PAAF1: variants seen among roughly 807,000 people sequenced by gnomAD.
PAAF1 encodes the protein proteasomal ATPase-associated factor 1.
Under a neutral mutation model 52.8 loss-of-function variants are expected in PAAF1, and 46 were observed. The ratio of observed to expected loss-of-function variants is 0.87; its 90% confidence interval spans 0.69 to 1.11. PAAF1 has a LOEUF of 1.11. Ranked by LOEUF, PAAF1 falls within the 50% of genes most tolerant of loss-of-function variation. PAAF1 has a pLI of 0.00. For synonymous variants in PAAF1, 178 were observed against 172.8 expected, an observed-to-expected ratio of 1.03 and a Z score of -0.24; for missense variants, 424 against 477.4, an observed-to-expected ratio of 0.89 and a Z score of 1.04.
chr11:73,905,449 C>G (rs1263546597), intron 6 of PAAF1, among the ~76,000 whole-genome samples: 2 of 152,124 alleles, frequency 1.3e-5, no homozygotes, highest in Non-Finnish European at 2.9e-5. Context: ...GTCTCAAACT[C>G]CTGACCTTGT....
intron 5 of PAAF1, among the ~76,000 whole-genome samples, 178 bp from the exon 6 acceptor site, chr11:73,900,092 T>C (rs1949555373): frequency 6.6e-6 from 1 of 152,114 alleles, no homozygotes; most frequent in South Asian, 2.1e-4. Context: ...AAACACCTTT[T>C]AGAACACTGC....
At chr11:73,878,451 G>A (rs1948806684) in intron 1 of PAAF1, among the ~76,000 whole-genome samples, 1 of 152,186 alleles carries the variant, frequency 6.6e-6, no homozygotes, top group Non-Finnish European at 1.5e-5. Flanking sequence ...GATTGTGTAT[G>A]GAAAGTGCTT....
intron 4 of PAAF1, among the ~76,000 whole-genome samples, chr11:73,896,502 T>C (rs1481385099): frequency 1.3e-5 from 2 of 150,898 alleles, no homozygotes; most frequent in Non-Finnish European, 3.0e-5. Flanking sequence ...TGATGACTCT[T>C]AAGGAGCATG....
chr11:73,917,751 A>G (rs1950104703), intron 9 of PAAF1, among the ~76,000 whole-genome samples: 1 of 152,154 alleles, frequency 6.6e-6, no homozygotes, highest in Non-Finnish European at 1.5e-5. Context: ...ACGTACCTAT[A>G]ATCCCAGGTA....
chr11:73,920,267 C>CTATAA (rs1296472936), intron 10 of PAAF1, among the ~76,000 whole-genome samples: 2 of 152,112 alleles, frequency 1.3e-5, no homozygotes, highest in Non-Finnish European at 2.9e-5. Flanking sequence ...GGCACAGTGG[C>CTATAA]TCATGCCTAT....
chr11:73,896,581 T>C (rs11235946), intron 4 of PAAF1, among the ~76,000 whole-genome samples: 12,537 of 150,752 alleles, frequency 0.083, 637 homozygotes, highest in South Asian at 0.25. Flanking sequence ...CCTGAGTGGA[T>C]ACAGCACATG....
At chr11:73,880,687 G>GGAAAAAAA (rs1373166466) in intron 2 of PAAF1, 1 of 40,598 alleles carries the variant, frequency 2.5e-5, no homozygotes, top group Non-Finnish European at 5.4e-5. Flanking sequence ...ACTCTGTCTC[G>GGAAAAAAA]AAAAAAAAAA....
At chr11:73,920,735 C>A (rs1326841551) in intron 10 of PAAF1, among the ~76,000 whole-genome samples, 1 of 151,516 alleles carries the variant, frequency 6.6e-6, no homozygotes, top group Admixed American at 6.6e-5. Context: ...ATCTATAGTC[C>A]CAACTACTCA....
intron 2 of PAAF1, among the ~76,000 whole-genome samples, chr11:73,885,917 A>G (rs1591047392): frequency 6.6e-6 from 1 of 152,060 alleles, no homozygotes; most frequent in East Asian, 1.9e-4. Context: ...CTGTAACTTC[A>G]GTTTGGCTCA....
In PAAF1 at chr11:73,927,472, C is replaced by A; in HGVS notation, c.*110C>A. 1 of 917,772 alleles carries A rather than the reference C, an allele frequency of 1.1e-6. No homozygotes were observed. Among genetic ancestry groups the A allele is most frequent in the South Asian group, 1.5e-5 (1 of 67,968 alleles). 56.9% of individuals were successfully genotyped at this position (917,772 alleles called of 1,614,324 possible). Reference sequence around the variant, plus strand: ...ACCATGGCGTTTAATGTCTTGGGCACCCCTTGGAAATCACAGAAAGTCAGC... The same window carrying A: ...ACCATGGCGTTTAATGTCTTGGGCAACCCTTGGAAATCACAGAAAGTCAGC... On this transcript the variant is annotated 3_prime_UTR_variant, in exon 12 of 12. Coordinates refer to ENST00000310571, the MANE Select transcript of PAAF1 (RefSeq NM_025155.3).
chr11:73,881,673 A>G (rs1371543355), intron 2 of PAAF1, among the ~76,000 whole-genome samples: 1 of 152,132 alleles, frequency 6.6e-6, no homozygotes, highest in Non-Finnish European at 1.5e-5. Flanking sequence ...TAAATTACCA[A>G]GCTACCTTCA....
rs190645436 is a variant in PAAF1, at chr11:73,910,772, C to T, written c.727+1179C>T. 1.3e-3 allele frequency among the ~76,000 whole-genome samples: 197 copies of T among 152,124 alleles called. 1 individual carries two copies. Among genetic ancestry groups the T allele is most frequent in the African/African-American group, 4.5e-3 (188 of 41,500 alleles). ...TTGGGAGGCCGAGGCGGGCGATTCA[C>T]AAGGTCAGGAGCTCGAAACCAGTCT... On this transcript the variant is annotated intron_variant, in intron 7 of 11. Transcript: ENST00000310571.
intron 10 of PAAF1, among the ~76,000 whole-genome samples, chr11:73,923,384 C>G (rs573051194): frequency 2.4e-4 from 37 of 152,214 alleles, no homozygotes; most frequent in African/African-American, 8.4e-4. Context: ...TATGCACATG[C>G]TGTCAACCAT....
At chr11:73,889,532 T>C (rs1402876380) in intron 3 of PAAF1, among the ~76,000 whole-genome samples, 1 of 152,244 alleles carries the variant, frequency 6.6e-6, no homozygotes, top group Non-Finnish European at 1.5e-5. Context: ...TTTTAACATT[T>C]ATCTTCCTTT....
At chr11:73,912,456 C>T (rs1458635622) in intron 7 of PAAF1, among the ~76,000 whole-genome samples, 1 of 152,210 alleles carries the variant, frequency 6.6e-6, no homozygotes, top group Non-Finnish European at 1.5e-5. Context: ...TCATGTCCCA[C>T]ATCAGCAAAG....
At chr11:73,918,810 G>T in intron 9 of PAAF1, 140 bp from the exon 10 acceptor site, 1 of 675,624 alleles carries the variant, frequency 1.5e-6, no homozygotes. Context: ...GTTCTTGCCA[G>T]GAAAGAAACC....
intron 1 of PAAF1, 73 bp downstream of exon 1, chr11:73,877,141 C>A: frequency 7.0e-7 from 1 of 1,420,726 alleles, no homozygotes; most frequent in South Asian, 1.4e-5. Flanking sequence ...AGAGCCATGC[C>A]TGGTCCAGGA....
chr11:73,911,078 C>T (rs1325193159), intron 7 of PAAF1, among the ~76,000 whole-genome samples: 1 of 151,678 alleles, frequency 6.6e-6, no homozygotes, highest in Non-Finnish European at 1.5e-5. Flanking sequence ...CTATCAATAT[C>T]CCCCACCAGA....
intron 10 of PAAF1, among the ~76,000 whole-genome samples, chr11:73,923,501 G>T (rs945542265): frequency 3.3e-5 from 5 of 151,956 alleles, no homozygotes; most frequent in African/African-American, 1.2e-4. Context: ...TTAAAGTTTT[G>T]TTCAGTGAGC....
Sources: gnomAD v4.1 joint callset for allele counts (sites outside exome capture counted in the v4.1 genomes callset) on GRCh38, gnomAD v4.1.1 for gene constraint, MANE v1.5 for transcripts, NCBI Gene and HGNC (gene_info 2026-07-23, HGNC 2026-07-21) for gene names.